Variants in ROBO4 observed in about 807,000 individuals in gnomAD.
The protein encoded by ROBO4 is roundabout homolog 4.
ROBO4 carries 80 observed loss-of-function variants against 103.3 expected under a neutral mutation model. That is an observed-to-expected ratio of 0.77 (90% CI 0.65 to 0.93). The LOEUF (loss-of-function observed/expected upper bound fraction) is 0.93. Ranked by LOEUF, ROBO4 falls within the 40% of genes least tolerant of loss-of-function variation. ROBO4 has a pLI of 0.00. For synonymous variants in ROBO4, 504 were observed against 529.7 expected, an observed-to-expected ratio of 0.95 and a Z score of 0.67; for missense variants, 1,333 against 1,305.3, an observed-to-expected ratio of 1.02 and a Z score of -0.33.
rs1946693144 is a variant in ROBO4, at chr11:124,885,227, G to A, written c.2815C>T (p.Pro939Ser). Residue 939 changes from proline (P) to serine (S), a missense_variant, in exon 17 of 18, where the codon CCA becomes TCA. Pro to Ser is a moderately conservative substitution (Grantham distance 74). Coordinates refer to ENST00000306534, the MANE Select transcript of ROBO4 (RefSeq NM_019055.6). Reference sequence around the variant, plus strand: ...GGGGTCAGGAAGATCTCATCCCGTGGGGAGGGAGGTGATGAGGCATCTGTC... The same window carrying A: ...GGGGTCAGGAAGATCTCATCCCGTGAGGAGGGAGGTGATGAGGCATCTGTC... Reference protein sequence around the residue: ...VFIDASSPPSPRDEIFLTPNL... With the variant: ...VFIDASSPPSSRDEIFLTPNL... 1 of 1,612,270 alleles carries A rather than the reference G, an allele frequency of 6.2e-7. No individual in the cohort carries two copies. The highest frequency in any genetic ancestry group is 1.3e-5 in the African/African-American group (1 of 75,046).
chr11:124,891,039 T>A (rs751821152), intron 12 of ROBO4, among the ~76,000 whole-genome samples: 2 of 152,186 alleles, frequency 1.3e-5, no homozygotes, highest in Non-Finnish European at 2.9e-5. Flanking sequence ...CTGAGTTGAA[T>A]TGAGTGCAGA....
rs1334001800 is a variant in ROBO4, at chr11:124,885,252, CAG to C, written c.2795-7_2795-6del. 6 of 1,607,936 alleles carry C rather than the reference CAG, an allele frequency of 3.7e-6. No homozygotes were observed. In the African/African-American group the frequency reaches 5.3e-5, roughly 14 times the overall value. ...GGGAGGGAGGTGATGAGGCATCTGT[CAG>C]GGAGGGTAGAGGTGTCTGTGGGAGG... On this transcript the variant is annotated splice_polypyrimidine_tract_variant and splice_region_variant and intron_variant, in intron 16 of 17. Transcript: ENST00000306534.
At chr11:124,894,442 G>A in intron 7 of ROBO4, 73 bp from the exon 8 acceptor site, 2 of 1,450,110 alleles carry the variant, frequency 1.4e-6, no homozygotes, top group Admixed American at 2.0e-5. Flanking sequence ...CTGCAGATCA[G>A]ACTCCAGGGG....
intron 12 of ROBO4, among the ~76,000 whole-genome samples, chr11:124,888,565 T>G (rs557532257): frequency 1.3e-5 from 2 of 152,226 alleles, no homozygotes; most frequent in South Asian, 4.1e-4. Context: ...CTGCCCATAC[T>G]TTTTGTTGAA....
rs773257268 is a variant in ROBO4 at position 124,895,570 on chromosome 11, G to A, written c.923C>T (p.Ala308Val). 6.2e-7 allele frequency: 1 copy of A among 1,613,164 alleles called. No homozygotes were observed. The highest frequency in any genetic ancestry group is 1.3e-5 in the African/African-American group (1 of 75,036). Reference protein sequence around the residue: ...AEELLAGWQSAELGGLHWGQD... With the variant: ...AEELLAGWQSVELGGLHWGQD... ...GCCCCAGTGGAGGCCTCCAAGCTCT[G>A]CGCTCTGCCAGCCGGCCAGCAGCTC... The change falls in exon 6 of 18, where the codon GCA becomes GTA. Residue 308 changes from alanine (A) to valine (V), a missense_variant. Coordinates refer to ENST00000306534, the MANE Select transcript of ROBO4 (RefSeq NM_019055.6).
At chr11:124,896,833 C>G in intron 2 of ROBO4, 99 bp downstream of exon 2, 1 of 1,530,636 alleles carries the variant, frequency 6.5e-7, no homozygotes, top group Non-Finnish European at 8.8e-7. Context: ...CCTCTGCTCA[C>G]AGGTATCCCA....
chr11:124,887,250 T>C, intron 14 of ROBO4, 37 bp from the exon 15 acceptor site: 1 of 1,589,704 alleles, frequency 6.3e-7, no homozygotes, highest in African/African-American at 1.3e-5. Context: ...CCGTAGTTAC[T>C]ACAGCTCTTC....
rs1445180388 is a variant in ROBO4, at chr11:124,893,894, G to C, written c.1470C>G (p.His490Gln). ...GGTGCACCCTAGCTCGGCGCCGGCG[G>C]TGGATACACACGGCGGTGCCCAGAA... ...LLLLGTAVCI[H>Q]RRRRARVHLG... The change falls in exon 9 of 18, where the codon CAC (histidine) becomes CAG (glutamine). Residue 490 changes from histidine to glutamine, a missense_variant. His to Gln is a conservative substitution (Grantham distance 24). Coordinates refer to ENST00000306534, the MANE Select transcript of ROBO4 (RefSeq NM_019055.6). 6.2e-7 allele frequency: 1 copy of C among 1,612,586 alleles called. No individual in the cohort carries two copies. The highest frequency in any genetic ancestry group is 1.7e-5 in the Admixed American group (1 of 59,942).
At chr11:124,896,340 T>C in intron 3 of ROBO4, 22 bp from the exon 4 acceptor site, 2 of 1,613,176 alleles carry the variant, frequency 1.2e-6, no homozygotes, top group Non-Finnish European at 1.7e-6. Flanking sequence ...AGGTTCACTG[T>C]GAAGTCTCCT....
chr11:124,891,548 A>G lies in ROBO4; in HGVS notation c.1699T>C (p.Ser567Pro). The stretch of plus-strand genomic sequence containing the variant: ...AGCAGGGGCACGCCGGGGCTTCGGG[A>G]GTCCCAGGAGAGCACTGTGACATAA... The part of the protein sequence containing the change: ...DCRRSLLSWD[S>P]RSPGVPLLPD... Residue 567 changes from serine to proline, a missense_variant, in exon 12 of 18, where the codon TCC becomes CCC. Transcript: ENST00000306534. 1 of 1,614,224 alleles carries G rather than the reference A, an allele frequency of 6.2e-7. No homozygotes were observed. Among genetic ancestry groups the G allele is most frequent in the Non-Finnish European group, 8.5e-7 (1 of 1,180,040 alleles).
At chr11:124,887,568 C>A in intron 13 of ROBO4, 69 bp from the exon 14 acceptor site, 1 of 1,597,220 alleles carries the variant, frequency 6.3e-7, no homozygotes, top group Non-Finnish European at 8.5e-7. Flanking sequence ...GCCTGCCGGC[C>A]TGCCCACCAG....
At chr11:124,895,253 G>A in intron 6 of ROBO4, 60 bp from the exon 7 acceptor site, 1 of 1,380,996 alleles carries the variant, frequency 7.2e-7, no homozygotes. Flanking sequence ...AGGGAAAGGA[G>A]CTGGGCTGGG....
At position 124,887,008 on chromosome 11, in the gene ROBO4, A is replaced by G. The variant is rs1565321929; in HGVS notation, c.2404T>C (p.Leu802=). 6.2e-7 allele frequency: 1 copy of G among 1,613,382 alleles called. No individual in the cohort carries two copies. Residue 802 remains leucine, a synonymous_variant, in exon 15 of 18, where the codon TTG becomes CTG. Transcript: ENST00000306534. ...VLTPEEVALC[L]ELSEGEETPR... ...GTCTCCTCACCCTCACTGAGTTCCA[A>G]GCACAGGGCTACCTCCTCAGGGGTC... is the stretch of plus-strand genomic sequence containing the variant.
intron 12 of ROBO4, 142 bp from the exon 13 acceptor site, chr11:124,887,982 C>T: frequency 1.5e-6 from 1 of 653,442 alleles, no homozygotes; most frequent in Non-Finnish European, 2.6e-6. Context: ...GAATCCCCTC[C>T]ACACCCCCAT....
At chr11:124,895,049 G>T in intron 7 of ROBO4, 32 bp downstream of exon 7, 1 of 1,465,404 alleles carries the variant, frequency 6.8e-7, no homozygotes, top group Admixed American at 1.7e-5. Context: ...CCTGGCAGCA[G>T]TAGGAAGGGC....
intron 2 of ROBO4, 115 bp from the exon 3 acceptor site, chr11:124,896,785 C>T: frequency 6.6e-7 from 1 of 1,511,208 alleles, no homozygotes; most frequent in Non-Finnish European, 8.9e-7. Context: ...TAGGGCCAGC[C>T]CCGCCCCAGC....
At chr11:124,885,289 AG>A in intron 16 of ROBO4, 42 bp from the exon 17 acceptor site, 1 of 1,555,060 alleles carries the variant, frequency 6.4e-7, no homozygotes, top group Admixed American at 1.7e-5. Flanking sequence ...GTTGACCTTC[AG>A]CCCCTAGGGG....
At position 124,887,419 on chromosome 11, in the gene ROBO4, G is replaced by A. The variant is rs776474694; in HGVS notation, c.2137C>T (p.His713Tyr). Residue 713 changes from histidine (H) to tyrosine (Y), a missense_variant, in exon 14 of 18, where the codon CAT becomes TAT. His to Tyr is a moderately conservative substitution (Grantham distance 83). Transcript: ENST00000306534. ...LSSSNELVTR[H>Y]LPPAPLFPHE... ...GGAAAGAGGGGTGCTGGAGGGAGAT[G>A]ACGAGTAACCAGCTCATTTGAGGAG... The A allele has an allele frequency of 1.2e-6, 2 of 1,614,064 alleles. No homozygotes were observed. The highest frequency in any genetic ancestry group is 3.3e-5 in the Admixed American group (2 of 60,016).
rs145779715 is a variant in ROBO4, at chr11:124,895,044, C to T, written c.1149+37G>A. 5.2e-5 allele frequency: 74 copies of T among 1,422,232 alleles called. No homozygotes were observed. In the East Asian group the frequency reaches 1.5e-3, roughly 29 times the overall value. The allele number at this position is 1,422,232 out of a possible 1,614,324, so 88.1% of individuals were successfully genotyped here. On this transcript the variant is annotated intron_variant, in intron 7 of 17. Transcript: ENST00000306534. ...ACTCCAGAGAAAAGAGATGTCCTGG[C>T]AGCAGTAGGAAGGGCTATGACAGCT...
Sources: allele counts gnomAD v4.1 joint callset (sites outside exome capture counted in the v4.1 genomes callset), GRCh38; gene constraint gnomAD v4.1.1; transcripts MANE v1.5; gene names NCBI Gene and HGNC (gene_info 2026-07-23, HGNC 2026-07-21).